Variants in CDH4 observed in about 807,000 individuals in gnomAD.
CDH4 encodes cadherin 4, also known as cadherin-4.
CDH4 carries 33 observed loss-of-function variants against 86.0 expected under a neutral mutation model. The observed-to-expected ratio is 0.38, with a 90% confidence interval of 0.29 to 0.51. CDH4 has a LOEUF of 0.51. CDH4 is among the 20% of genes least tolerant of loss of function. CDH4 has a pLI of 0.86. For missense variants in CDH4, 1,114 were observed against 1,307.4 expected (o/e 0.85, Z 2.28); for synonymous variants, 555 against 549.4 (o/e 1.01, Z -0.14).
At chr20:61,716,923 TAATA>T (rs1433161373) in intron 2 of CDH4, among the ~76,000 whole-genome samples, 6 of 151,850 alleles carry the variant, frequency 4.0e-5, no homozygotes, top group Non-Finnish European at 5.9e-5. Flanking sequence ...AATAAATAAA[TAATA>T]AATAAAATCC....
intron 2 of CDH4, among the ~76,000 whole-genome samples, chr20:61,361,139 G>T (rs924044858): frequency 1.3e-5 from 2 of 152,124 alleles, no homozygotes; most frequent in East Asian, 3.9e-4. Flanking sequence ...GGGAGCCTGG[G>T]GTGACTCTCA....
chr20:61,809,209 A>C (rs1377960050), intron 4 of CDH4, among the ~76,000 whole-genome samples: 1 of 152,128 alleles, frequency 6.6e-6, no homozygotes, highest in Non-Finnish European at 1.5e-5. Flanking sequence ...TGTTTCTAGG[A>C]AGGACGTGCT....
chr20:61,857,830 G>A (rs1044918476), intron 6 of CDH4, among the ~76,000 whole-genome samples: 28 of 152,202 alleles, frequency 1.8e-4, no homozygotes, highest in Non-Finnish European at 3.2e-4. Flanking sequence ...CCTTCGTACC[G>A]GCCACAGCCC....
intron 7 of CDH4, among the ~76,000 whole-genome samples, chr20:61,884,338 G>A (rs1012721333): frequency 1.2e-4 from 19 of 152,242 alleles, no homozygotes; most frequent in Non-Finnish European, 2.1e-4. Flanking sequence ...TTCCTTCCAC[G>A]CAGCAACCCG....
chr20:61,912,370 C>T (rs2122933896), intron 9 of CDH4, among the ~76,000 whole-genome samples: 1 of 152,292 alleles, frequency 6.6e-6, no homozygotes, highest in Non-Finnish European at 1.5e-5. Flanking sequence ...TCTCAACACC[C>T]CAAAGTCATC....
chr20:61,547,099 G>GC (rs1461747410), intron 2 of CDH4, among the ~76,000 whole-genome samples: 1 of 151,478 alleles, frequency 6.6e-6, no homozygotes, highest in Non-Finnish European at 1.5e-5. Flanking sequence ...ACCATAGTGG[G>GC]CCATGTACTC....
intron 2 of CDH4, among the ~76,000 whole-genome samples, chr20:61,678,916 T>C (rs146946220): frequency 6.6e-6 from 1 of 152,336 alleles, no homozygotes; most frequent in East Asian, 1.9e-4. Flanking sequence ...CATTCTCAGG[T>C]TCTAGGAGGA....
At chr20:61,280,084 G>A (rs2084250829) in intron 2 of CDH4, among the ~76,000 whole-genome samples, 1 of 152,086 alleles carries the variant, frequency 6.6e-6, no homozygotes, top group Non-Finnish European at 1.5e-5. Flanking sequence ...GTGGGACTGG[G>A]AACTCACCCA....
chr20:61,679,760 C>T (rs189383287), intron 2 of CDH4, among the ~76,000 whole-genome samples: 126 of 152,344 alleles, frequency 8.3e-4, no homozygotes, highest in Non-Finnish European at 1.4e-3. Flanking sequence ...TTAGGAAGGA[C>T]GTTCTGGTTT....
chr20:61,441,434 C>G (rs918696948), intron 2 of CDH4, among the ~76,000 whole-genome samples: 1 of 152,222 alleles, frequency 6.6e-6, no homozygotes, highest in Non-Finnish European at 1.5e-5. Flanking sequence ...ATACCCACTC[C>G]AGGTGGGAGA....
intron 2 of CDH4, among the ~76,000 whole-genome samples, chr20:61,483,643 A>G (rs1419577832): frequency 6.6e-6 from 1 of 151,934 alleles, no homozygotes; most frequent in Non-Finnish European, 1.5e-5. Flanking sequence ...GATGAGAAGG[A>G]ACCTGGTGGA....
intron 2 of CDH4, among the ~76,000 whole-genome samples, chr20:61,403,919 T>C (rs904502398): frequency 6.6e-6 from 1 of 152,230 alleles, no homozygotes; most frequent in Admixed American, 6.5e-5. Context: ...GTCTGCAAAT[T>C]GCAGTGTGTG....
intron 4 of CDH4, among the ~76,000 whole-genome samples, chr20:61,793,543 A>T (rs1446175128): frequency 1.3e-5 from 2 of 152,094 alleles, no homozygotes; most frequent in Non-Finnish European, 2.9e-5. Flanking sequence ...TCAGGATCCC[A>T]GCAAGAATGA....
chr20:61,360,058 A>G (rs1338679133), intron 2 of CDH4, among the ~76,000 whole-genome samples: 1 of 152,166 alleles, frequency 6.6e-6, no homozygotes, highest in East Asian at 1.9e-4. Flanking sequence ...TTGAACCAGA[A>G]TTTAACCAGA....
chr20:61,635,644 C>A (rs2086938861), intron 2 of CDH4, among the ~76,000 whole-genome samples: 1 of 152,172 alleles, frequency 6.6e-6, no homozygotes, highest in Non-Finnish European at 1.5e-5. Context: ...TGGGCTATCA[C>A]CACCAGAGAG....
In CDH4 at chr20:61,393,018, G is replaced by A. The variant is rs984502563; in HGVS notation, c.169+138081G>A. Among the ~76,000 whole-genome samples, 6 of 152,162 alleles carry A rather than the reference G, an allele frequency of 3.9e-5. No homozygotes were observed. Among genetic ancestry groups the A allele is most frequent in the Admixed American group, 2.6e-4 (4 of 15,274 alleles). On this transcript the variant is annotated intron_variant, in intron 2 of 15. Coordinates refer to ENST00000614565, the MANE Select transcript of CDH4 (RefSeq NM_001794.5). The surrounding 1 kb of genome is among the most constrained non-coding windows in gnomAD (Gnocchi z 4.3). ...CTCAGGGCTTGACGGGATAGAAAAC[G>A]TGAGGACAGAGCAGCTGCGGGGCCC...
chr20:61,868,368 G>A (rs553230787), intron 6 of CDH4, among the ~76,000 whole-genome samples: 31 of 152,338 alleles, frequency 2.0e-4, no homozygotes, highest in Admixed American at 1.5e-3. Flanking sequence ...CAGAGGGGAG[G>A]CAGCCTGGCT....
chr20:61,358,193 C>T (rs955580432), intron 2 of CDH4, among the ~76,000 whole-genome samples: 1 of 152,182 alleles, frequency 6.6e-6, no homozygotes, highest in Non-Finnish European at 1.5e-5. Context: ...AACCTCGAAA[C>T]CCCTCCTTTG....
At chr20:61,312,353 C>T (rs1408728456) in intron 2 of CDH4, among the ~76,000 whole-genome samples, 1 of 149,086 alleles carries the variant, frequency 6.7e-6, no homozygotes, top group Non-Finnish European at 1.5e-5. Context: ...GCGATGTGTA[C>T]ATTTTGTGAT....
Sources: allele counts gnomAD v4.1 joint callset (sites outside exome capture counted in the v4.1 genomes callset), GRCh38; gene constraint gnomAD v4.1.1; non-coding constraint Gnocchi (gnomAD v3.1); transcripts MANE v1.5; gene names NCBI Gene and HGNC (gene_info 2026-07-23, HGNC 2026-07-21).